Variants in MDGA2 observed in about 807,000 individuals in gnomAD.
MDGA2 encodes the protein MAM domain-containing glycosylphosphatidylinositol anchor protein 2.
A neutral mutation model predicts 117.8 loss-of-function variants in MDGA2; 40 were observed. The observed-to-expected ratio is 0.34, with a 90% CI of 0.26 to 0.44. The LOEUF (loss-of-function observed/expected upper bound fraction) is 0.44, where lower values mean the gene tolerates loss of function less well. Among genes scored for constraint, MDGA2 ranks in the 20% least tolerant of loss-of-function variants. The probability of loss-of-function intolerance (pLI) is 1.00; values close to 1 mark genes in which losing one functional copy is unlikely to be tolerated. For synonymous variants in MDGA2, 452 were observed against 439.0 expected (o/e 1.03, Z -0.37); for missense variants, 1,123 against 1,250.6 (o/e 0.90, Z 1.54).
intron 8 of MDGA2, among the ~76,000 whole-genome samples, chr14:47,003,512 A>T (rs561322132): frequency 2.6e-5 from 4 of 152,176 alleles, no homozygotes; most frequent in African/African-American, 9.6e-5. Flanking sequence ...CATCCTAATA[A>T]GCGGGTAGTG....
intron 8 of MDGA2, chr14:46,960,371 A>C (rs1885747362): frequency 6.6e-6 from 1 of 152,116 alleles, no homozygotes; most frequent in Non-Finnish European, 1.5e-5. Context: ...GTCTGAAGTT[A>C]TCATTTAGAT....
intron 1 of MDGA2, among the ~76,000 whole-genome samples, chr14:47,453,892 A>G (rs192356930): frequency 6.6e-6 from 1 of 152,290 alleles, no homozygotes; most frequent in African/African-American, 2.4e-5. Flanking sequence ...AGTGAGTTCC[A>G]TGAACTAGAG....
intron 7 of MDGA2, among the ~76,000 whole-genome samples, chr14:47,048,403 G>A (rs1023264612): frequency 2.6e-5 from 4 of 152,028 alleles, no homozygotes; most frequent in African/African-American, 9.7e-5. Flanking sequence ...AGCAACTGTT[G>A]CTCACAGTGG....
chr14:47,599,439 C>T (rs2138875465), intron 1 of MDGA2, among the ~76,000 whole-genome samples: 1 of 152,110 alleles, frequency 6.6e-6, no homozygotes, highest in African/African-American at 2.4e-5. Flanking sequence ...CTATTTACTG[C>T]ATTCAATATT....
chr14:46,897,634 CTTA>C (rs528110142), intron 10 of MDGA2, among the ~76,000 whole-genome samples: 92,835 of 150,524 alleles, frequency 0.62, 29,761 homozygotes, highest in Admixed American at 0.73. Flanking sequence ...ATATAAAGCA[CTTA>C]AAGATGTTTA....
At position 47,061,606 on chromosome 14, in the gene MDGA2, T is replaced by C. The variant is rs1156835201; in HGVS notation, c.1196-28A>G. ...ACAACATAAAAATTCCATAAGGAGT[T>C]AGTGTTACTTTCATAACTTTAAGGA... On this transcript the variant is annotated intron_variant, in intron 6 of 16. Coordinates refer to ENST00000399232, the MANE Select transcript of MDGA2 (RefSeq NM_001113498.3). 3.9e-6 allele frequency: 6 copies of C among 1,550,488 alleles called. No homozygotes were observed. In the Admixed American group the frequency reaches 5.4e-5, roughly 14 times the overall value.
intron 1 of MDGA2, among the ~76,000 whole-genome samples, chr14:47,568,856 G>A (rs182753690): frequency 3.6e-4 from 55 of 151,868 alleles, no homozygotes; most frequent in Non-Finnish European, 6.6e-4. Flanking sequence ...AGTTTGCACT[G>A]ATGTTTATGA....
chr14:47,024,079 A>C (rs1888386109), intron 8 of MDGA2, among the ~76,000 whole-genome samples: 1 of 152,220 alleles, frequency 6.6e-6, no homozygotes, highest in Admixed American at 6.5e-5. Context: ...AAGATAAGAC[A>C]GACATAGACA....
At chr14:47,558,685 A>G (rs1436212597) in intron 1 of MDGA2, among the ~76,000 whole-genome samples, 1 of 152,212 alleles carries the variant, frequency 6.6e-6, no homozygotes. Context: ...CTGCCAGTCA[A>G]TGAAAACATG....
chr14:47,301,051 T>G lies in MDGA2; in HGVS notation c.420+360A>C, dbSNP rs78930650. On this transcript the variant is annotated intron_variant, in intron 2 of 16. Coordinates refer to ENST00000399232, the MANE Select transcript of MDGA2 (RefSeq NM_001113498.3). Reference sequence around the variant, plus strand: ...CAATTATGTCATCATGAAATCATGTTCCACGTTTTAAAATAAACTCATTGC... The same window carrying G: ...CAATTATGTCATCATGAAATCATGTGCCACGTTTTAAAATAAACTCATTGC... Among the ~76,000 whole-genome samples the G allele has an allele frequency of 7.5e-4, 114 of 152,290 alleles. 1 individual carries two copies. The East Asian group carries it at 0.018, about 24-fold the overall frequency.
At chr14:46,954,927 G>A (rs1437733496) in intron 9 of MDGA2, among the ~76,000 whole-genome samples, 1 of 151,522 alleles carries the variant, frequency 6.6e-6, no homozygotes. Flanking sequence ...TAACTCTTTT[G>A]TTCATCCTCC....
In MDGA2 at chr14:47,229,841, G is replaced by A. The variant is rs1181915590; in HGVS notation, c.421-11646C>T. 7.2e-5 allele frequency among the ~76,000 whole-genome samples: 11 copies of A among 151,898 alleles called. 1 individual carries two copies. Among genetic ancestry groups the A allele is most frequent in the Admixed American group, 7.2e-4 (11 of 15,238 alleles). On this transcript the variant is annotated intron_variant, in intron 2 of 16. Coordinates refer to ENST00000399232, the MANE Select transcript of MDGA2 (RefSeq NM_001113498.3). ...TATTCCAAGCCCTTTTTTGTAATGAGAGTTAATAAATACAGGAGGATATTC... is the reference window on the plus strand; with the variant it reads ...TATTCCAAGCCCTTTTTTGTAATGAAAGTTAATAAATACAGGAGGATATTC...
At chr14:46,959,193 T>C (rs1885682951) in intron 8 of MDGA2, among the ~76,000 whole-genome samples, 1 of 151,966 alleles carries the variant, frequency 6.6e-6, no homozygotes, top group Non-Finnish European at 1.5e-5. Context: ...ATGTTGTCCA[T>C]GAGTTGAATA....
intron 1 of MDGA2, among the ~76,000 whole-genome samples, chr14:47,429,723 A>T (rs1458355249): frequency 6.6e-6 from 1 of 152,014 alleles, no homozygotes; most frequent in Non-Finnish European, 1.5e-5. Flanking sequence ...AGTTCCTCAA[A>T]GTCCGAGGCA....
intron 1 of MDGA2, among the ~76,000 whole-genome samples, chr14:47,665,907 G>A (rs1383350294): frequency 6.7e-6 from 1 of 149,450 alleles, no homozygotes; most frequent in Middle Eastern, 3.2e-3. Flanking sequence ...GCTCCATGGT[G>A]CCCAGTCCCA....
chr14:46,877,463 C>A, intron 12 of MDGA2, 26 bp downstream of exon 12: 2 of 1,291,540 alleles, frequency 1.5e-6, no homozygotes, highest in South Asian at 2.9e-5. Context: ...AATATAGTGC[C>A]ATTTTGTAAG....
chr14:47,349,769 T>C (rs924916840), intron 1 of MDGA2, among the ~76,000 whole-genome samples: 4 of 152,382 alleles, frequency 2.6e-5, no homozygotes, highest in Admixed American at 6.5e-5. Flanking sequence ...TGTTCTTCTC[T>C]GAGCTGCAAA....
intron 1 of MDGA2, among the ~76,000 whole-genome samples, chr14:47,482,275 T>C (rs747927103): frequency 3.9e-5 from 6 of 152,042 alleles, no homozygotes; most frequent in Non-Finnish European, 7.4e-5. Flanking sequence ...GAAGTTTCCC[T>C]AATATAAAAA....
intron 6 of MDGA2, among the ~76,000 whole-genome samples, chr14:47,066,171 A>G (rs1294940360): frequency 2.6e-5 from 4 of 152,166 alleles, no homozygotes; most frequent in African/African-American, 9.7e-5. Flanking sequence ...TTTCTCCTCA[A>G]TAGGGCTGTG....
Sources: gnomAD v4.1 joint callset for allele counts (sites outside exome capture counted in the v4.1 genomes callset) on GRCh38, gnomAD v4.1.1 for gene constraint, MANE v1.5 for transcripts, NCBI Gene and HGNC (gene_info 2026-07-23, HGNC 2026-07-21) for gene names.